TBC1D10C: variants seen among roughly 807,000 people sequenced by gnomAD.
The protein encoded by TBC1D10C is TBC1 domain family member 10C, also known as carabin.
Under a neutral mutation model 51.0 loss-of-function variants are expected in TBC1D10C, and 49 were observed. That is an observed-to-expected ratio of 0.96 (90% confidence interval 0.76 to 1.22). The LOEUF (loss-of-function observed/expected upper bound fraction) is 1.22. Ranked by LOEUF, TBC1D10C falls within the 50% of genes most tolerant of loss-of-function variation. The pLI, the probability that TBC1D10C is intolerant of heterozygous loss-of-function variation, is 0.00. For synonymous variants in TBC1D10C, 281 were observed against 266.7 expected (o/e 1.05, Z -0.52); for missense variants, 541 against 617.5 (o/e 0.88, Z 1.31).
In TBC1D10C at chr11:67,406,960, C is replaced by T; in HGVS notation, c.782C>T (p.Ala261Val). The T allele has an allele frequency of 2.5e-6, 4 of 1,613,328 alleles. No homozygotes were observed. The highest frequency in any genetic ancestry group is 3.4e-6 in the Non-Finnish European group (4 of 1,179,984). ...YLPEWFLCLF[A>V]RSLPFPTVLR... ...CCCGAGTGGTTCCTGTGCCTCTTCG[C>T]CCGCTCCCTGCCCTTCCCCACAGTG... is the stretch of plus-strand genomic sequence containing the variant. The change falls in exon 7 of 9, where the codon GCC becomes GTC. Residue 261 changes from alanine to valine, a missense_variant. Ala to Val is a moderately conservative substitution (Grantham distance 64). Transcript: ENST00000542590.
rs1389163921 is a variant in TBC1D10C at position 67,409,443 on chromosome 11, C to T, written c.1030C>T (p.Arg344Trp). The T allele has an allele frequency of 1.3e-5, 20 of 1,549,104 alleles. No individual in the cohort carries two copies. Among genetic ancestry groups the T allele is most frequent in the South Asian group, 1.2e-4 (10 of 84,018 alleles). The change falls in exon 9 of 9, where the codon CGG (arginine) becomes TGG (tryptophan). Residue 344 changes from arginine to tryptophan, a missense_variant. Physicochemically the swap from Arg to Trp is moderately radical, Grantham distance 101 (BLOSUM62 -3). Transcript: ENST00000542590. Reference protein sequence around the residue: ...SVVLSERDLQREIKAQLAQLP... With the variant: ...SVVLSERDLQWEIKAQLAQLP... ...GGTGCTGTCAGAGCGGGACCTGCAGCGGGAGATCAAGGCCCAGCTGGCCCA... is the reference window on the plus strand; with the variant it reads ...GGTGCTGTCAGAGCGGGACCTGCAGTGGGAGATCAAGGCCCAGCTGGCCCA...
chr11:67,407,372 C>G (rs1452201488), intron 7 of TBC1D10C: 1 of 240,740 alleles, frequency 4.2e-6, no homozygotes, highest in East Asian at 8.7e-5. Context: ...ATCAAGTGAT[C>G]GAGACCTTCA....
Position 67,405,406 on chromosome 11 carries a change from T to C in TBC1D10C, c.260T>C (p.Met87Thr). The C allele has an allele frequency of 6.2e-7, 1 of 1,613,420 alleles. No individual in the cohort carries two copies. Among genetic ancestry groups the C allele is most frequent in the Non-Finnish European group, 8.5e-7 (1 of 1,179,906 alleles). Residue 87 changes from methionine to threonine, a missense_variant, in exon 3 of 9, where the codon ATG becomes ACG. Met to Thr is a moderately conservative substitution (Grantham distance 81). Coordinates refer to ENST00000542590, the MANE Select transcript of TBC1D10C (RefSeq NM_001369496.1). ...CCTTGGCCTCACCCACAGGTAAAGATGCAGTGCCGGAAAGGCATCCCGTCT... is the reference window on the plus strand; with the variant it reads ...CCTTGGCCTCACCCACAGGTAAAGACGCAGTGCCGGAAAGGCATCCCGTCT... ...TMSRRYKKVK[M>T]QCRKGIPSAL... is the part of the protein sequence containing the mutation.
rs772110517 is a variant in TBC1D10C, at chr11:67,405,438, C to T, written c.292C>T (p.Arg98Cys). ...QCRKGIPSALRARCWPLLCGA... is the reference protein window; with the variant it reads ...QCRKGIPSALCARCWPLLCGA... ...CCGGAAAGGCATCCCGTCTGCCCTG[C>T]GCGCCCGATGCTGGCCCCTGTTGTG... The change falls in exon 3 of 9, where the codon CGC becomes TGC. Residue 98 changes from arginine to cysteine, a missense_variant. Physicochemically the swap from Arg to Cys is radical, Grantham distance 180 (BLOSUM62 -3). Transcript: ENST00000542590. 6 of 1,613,658 alleles carry T rather than the reference C, an allele frequency of 3.7e-6. No individual in the cohort carries two copies. The highest frequency in any genetic ancestry group is 2.2e-5 in the South Asian group (2 of 91,084).
chr11:67,405,272 T>C (rs1863102486), intron 2 of TBC1D10C, 88 bp downstream of exon 2: 2 of 1,494,910 alleles, frequency 1.3e-6, no homozygotes, highest in Non-Finnish European at 1.8e-6. Flanking sequence ...CCACCCTGTG[T>C]CCCAGCACCT....
In TBC1D10C at chr11:67,409,088, A is replaced by C. The variant is rs1445309886; in HGVS notation, c.948A>C (p.Arg316=). Residue 316 remains arginine, a synonymous_variant, in exon 8 of 9, where the codon CGA becomes CGC. Coordinates refer to ENST00000542590, the MANE Select transcript of TBC1D10C (RefSeq NM_001369496.1). The stretch of plus-strand genomic sequence containing the variant: ...TCCTGGAGACACTGGGAGCCCTTCG[A>C]GCCATCCCCCCCGCGCAGCTGCAGG... ...PGLLETLGAL[R]AIPPAQLQEE... The C allele has an allele frequency of 6.2e-7, 1 of 1,603,162 alleles. No homozygotes were observed. The highest frequency in any genetic ancestry group is 1.1e-5 in the South Asian group (1 of 89,722).
chr11:67,405,852 G>A (rs1863138712), intron 4 of TBC1D10C, 51 bp from the exon 5 acceptor site: 1 of 1,547,758 alleles, frequency 6.5e-7, no homozygotes, highest in African/African-American at 1.4e-5. Context: ...CCCAGAGGGT[G>A]GAGAAGGGGG....
At chr11:67,406,092 C>A in intron 5 of TBC1D10C, 75 bp downstream of exon 5, 1 of 1,250,068 alleles carries the variant, frequency 8.0e-7, no homozygotes, top group Non-Finnish European at 1.1e-6. Context: ...GAACTGTGGC[C>A]TCAGAAACCT....
chr11:67,405,861 G>T (rs1863138961), intron 4 of TBC1D10C, 42 bp from the exon 5 acceptor site: 6 of 1,553,036 alleles, frequency 3.9e-6, no homozygotes, highest in South Asian at 1.2e-5. Context: ...TGGAGAAGGG[G>T]GTGCCTGCAG....
rs1011510207 is a variant in TBC1D10C, at chr11:67,409,818, T to C, written c.*64T>C. 7.3e-7 allele frequency: 1 copy of C among 1,372,466 alleles called. No individual in the cohort carries two copies. Among genetic ancestry groups the C allele is most frequent in the Non-Finnish European group, 9.8e-7 (1 of 1,017,988 alleles). The allele number at this position is 1,372,466 out of a possible 1,614,324, so 85.0% of individuals were successfully genotyped here. A position where few individuals can be genotyped will look rare whatever the true frequency, so the allele number is the denominator to read the frequency against. On this transcript the variant is annotated 3_prime_UTR_variant, in exon 9 of 9. Transcript: ENST00000542590. ...TGATGGCTGATGCCGGCCCGGCAAA[T>C]AGGCACCGCACTTTACTCTTGGGAC...
At chr11:67,405,545 A>AGCCCCTCACCACACTG in intron 3 of TBC1D10C, 39 bp downstream of exon 3, 3 of 1,613,590 alleles carry the variant, frequency 1.9e-6, no homozygotes, top group Non-Finnish European at 2.5e-6. Context: ...CCCTACCCAG[A>AGCCCCTCACCACACTG]GCCCCTCACC....
At position 67,405,080 on chromosome 11, in the gene TBC1D10C, C is replaced by A; in HGVS notation, c.153-5C>A. On this transcript the variant is annotated splice_region_variant and splice_polypyrimidine_tract_variant and intron_variant, in intron 1 of 8. Coordinates refer to ENST00000542590, the MANE Select transcript of TBC1D10C (RefSeq NM_001369496.1). ...CGTCTGGATACCTGTGCCATGCACC[C>A]CCAGGCCGGGCCACCCACCTGCAGA... 6.5e-7 allele frequency: 1 copy of A among 1,549,990 alleles called. No homozygotes were observed. The highest frequency in any genetic ancestry group is 1.4e-5 in the African/African-American group (1 of 73,144).
Position 67,404,102 on chromosome 11 carries a change from C to T in TBC1D10C, c.-101C>T. ...CTTGGTGAGATACCCTGAAACCTCC[C>T]CCCTCTGACCCCGCAGCCAGGCCCC... On this transcript the variant is annotated 5_prime_UTR_variant, in exon 1 of 9. Transcript: ENST00000542590. 7.3e-7 allele frequency: 1 copy of T among 1,362,730 alleles called. No individual in the cohort carries two copies. The highest frequency in any genetic ancestry group is 9.5e-7 in the Non-Finnish European group (1 of 1,048,522). 84.4% of individuals were successfully genotyped at this position (1,362,730 alleles called of 1,614,324 possible).
At position 67,407,104 on chromosome 11, in the gene TBC1D10C, C is replaced by G. The variant is rs1038886307; in HGVS notation, c.838+88C>G. The G allele has an allele frequency of 2.8e-6, 4 of 1,428,954 alleles. No homozygotes were observed. The African/African-American group carries it at 4.3e-5, about 15-fold the overall frequency. 88.5% of individuals were successfully genotyped at this position (1,428,954 alleles called of 1,614,324 possible). ...CAGCTCCAGGGTTCCCTTTTTGAGC[C>G]TCAAATCACAGGACTGGGTGTGCCG... On this transcript the variant is annotated intron_variant, in intron 7 of 8. Transcript: ENST00000542590.
Position 67,409,670 on chromosome 11 carries a change from C to T in TBC1D10C, c.1257C>T (p.Leu419=). Residue 419 remains leucine, a synonymous_variant, in exon 9 of 9, where the codon CTC becomes CTT. Transcript: ENST00000542590. The part of the protein sequence containing the change: ...PQTRGKTFHG[L]LTRARGPPIE... The stretch of plus-strand genomic sequence containing the variant: ...CCCGCGGCAAGACTTTCCATGGGCT[C>T]CTGACTCGGGCCCGGGGCCCCCCCA... 1 of 1,602,428 alleles carries T rather than the reference C, an allele frequency of 6.2e-7. No individual in the cohort carries two copies. Among genetic ancestry groups the T allele is most frequent in the Non-Finnish European group, 8.5e-7 (1 of 1,178,442 alleles).
At chr11:67,404,959 C>A (rs1863082737) in intron 1 of TBC1D10C, 126 bp from the exon 2 acceptor site, 2 of 827,010 alleles carry the variant, frequency 2.4e-6, no homozygotes, top group Non-Finnish European at 3.7e-6. Flanking sequence ...TCACAGGTCA[C>A]CCCACAGGGC....
chr11:67,405,341 G>C, intron 2 of TBC1D10C, 58 bp from the exon 3 acceptor site: 2 of 1,573,156 alleles, frequency 1.3e-6, no homozygotes, highest in South Asian at 1.1e-5. Flanking sequence ...GCTGTGCCTG[G>C]GGCCTGCCAG....
chr11:67,405,171 G>T lies in TBC1D10C; in HGVS notation c.239G>T (p.Arg80Leu). ...TCGCACTGGGAGAAAACCATGTCCC[G>T]GCGGTACAAGAAGGTGAGGGGGGCA... ...MTSHWEKTMSRRYKKVKMQCR... is the reference protein window; with the variant it reads ...MTSHWEKTMSLRYKKVKMQCR... The change falls in exon 2 of 9, where the codon CGG (arginine) becomes CTG (leucine). Residue 80 changes from arginine to leucine, a missense_variant. Transcript: ENST00000542590. 6.4e-7 allele frequency: 1 copy of T among 1,551,398 alleles called. No individual in the cohort carries two copies.
intron 8 of TBC1D10C, 50 bp from the exon 9 acceptor site, chr11:67,409,357 C>A: frequency 6.6e-7 from 1 of 1,523,216 alleles, no homozygotes; most frequent in Non-Finnish European, 8.9e-7. Context: ...TCACAGTTTC[C>A]TGTTCCTGCC....
Sources: allele counts gnomAD v4.1 joint callset, GRCh38; gene constraint gnomAD v4.1.1; transcripts MANE v1.5; gene names NCBI Gene and HGNC (gene_info 2026-07-23, HGNC 2026-07-21).